STK32C: variants seen among roughly 807,000 people sequenced by gnomAD.
The protein encoded by STK32C is serine/threonine-protein kinase 32C.
Under a neutral mutation model 56.5 loss-of-function variants are expected in STK32C, and 31 were observed. The observed-to-expected ratio is 0.55, with a 90% CI of 0.41 to 0.74. The LOEUF (loss-of-function observed/expected upper bound fraction) is 0.74, where lower values mean the gene tolerates loss of function less well. Among genes scored for constraint, STK32C ranks in the 30% least tolerant of loss-of-function variants. The pLI is 0.00. For missense variants in STK32C, 544 were observed against 676.9 expected, an observed-to-expected ratio of 0.80 and a Z score of 2.18; for synonymous variants, 309 against 289.4, an observed-to-expected ratio of 1.07 and a Z score of -0.69.
rs2065041121 is a variant in STK32C, at chr10:132,278,061, G to A, written c.262+29511C>T. 2.0e-5 allele frequency among the ~76,000 whole-genome samples: 3 copies of A among 152,140 alleles called. No individual in the cohort carries two copies. In the South Asian group the frequency reaches 6.2e-4, roughly 32 times the overall value. ...GGGGTGGTCTTGAGGGGGCAGCTTAGGAATAGACTCCTTACCATGAAGACC... is the reference window on the plus strand; with the variant it reads ...GGGGTGGTCTTGAGGGGGCAGCTTAAGAATAGACTCCTTACCATGAAGACC... On this transcript the variant is annotated intron_variant, in intron 1 of 11. Coordinates refer to ENST00000298630, the MANE Select transcript of STK32C (RefSeq NM_173575.4).
In STK32C at chr10:132,294,239, G is replaced by A. The variant is rs374146741; in HGVS notation, c.262+13333C>T. Among the ~76,000 whole-genome samples, 7 of 152,242 alleles carry A rather than the reference G, an allele frequency of 4.6e-5. No individual in the cohort carries two copies. The East Asian group carries it at 7.8e-4, about 17-fold the overall frequency. On this transcript the variant is annotated intron_variant, in intron 1 of 11. Coordinates refer to ENST00000298630, the MANE Select transcript of STK32C (RefSeq NM_173575.4). ...TCAGAGTCAGAGACGAGGAGGATCC[G>A]CCAAGGAGGCCATGGAGCAGGCACG...
At chr10:132,319,590 G>A (rs1488286751), downstream of STK32C, among the ~76,000 whole-genome samples, 1 of 152,204 alleles carries the variant, frequency 6.6e-6, no homozygotes, top group African/African-American at 2.4e-5. Context: ...CATACTGTCT[G>A]ACTCCATTTA....
chr10:132,263,915 C>G (rs1002752008), intron 1 of STK32C, among the ~76,000 whole-genome samples: 3 of 150,810 alleles, frequency 2.0e-5, no homozygotes, highest in Non-Finnish European at 4.4e-5. Context: ...AAAAGCATGG[C>G]GCAGTGACAC....
In STK32C at chr10:132,225,242, C is replaced by T. The variant is rs758040109; in HGVS notation, c.867G>A (p.Leu289=). 1 of 1,609,984 alleles carries T rather than the reference C, an allele frequency of 6.2e-7. No homozygotes were observed. Among genetic ancestry groups the T allele is most frequent in the Non-Finnish European group, 8.5e-7 (1 of 1,178,252 alleles). Residue 289 remains leucine (L), a synonymous_variant, in exon 7 of 12, where the codon CTG becomes CTA. Transcript: ENST00000298630. ...WSVGVMAYEL[L]RGWRPYDIHS... ...TGCAGGGGGTCCATACCCATCCTCGCAGCAGCTCATAGGCCATCACCCCCA... is the reference window on the plus strand; with the variant it reads ...TGCAGGGGGTCCATACCCATCCTCGTAGCAGCTCATAGGCCATCACCCCCA...
intron 1 of STK32C, among the ~76,000 whole-genome samples, chr10:132,302,239 T>C (rs1024511422): frequency 6.6e-6 from 1 of 152,352 alleles, no homozygotes; most frequent in South Asian, 2.1e-4. Context: ...ATCCTCGCAT[T>C]ACTTCTCCAC....
chr10:132,210,351 G>A (rs1345291874), intron 10 of STK32C, among the ~76,000 whole-genome samples: 4 of 152,250 alleles, frequency 2.6e-5, no homozygotes. Flanking sequence ...CCGCCTCCCA[G>A]GTTCAAGTGA....
At chr10:132,233,758 G>A (rs1186855874) in intron 2 of STK32C, among the ~76,000 whole-genome samples, 1 of 152,238 alleles carries the variant, frequency 6.6e-6, no homozygotes, top group African/African-American at 2.4e-5. Context: ...CGGCTTCCCA[G>A]GGGACGGAGC....
chr10:132,237,516 G>T (rs1170258477), intron 2 of STK32C, among the ~76,000 whole-genome samples: 2 of 152,260 alleles, frequency 1.3e-5, no homozygotes, highest in African/African-American at 4.8e-5. Flanking sequence ...GCCCATTTAG[G>T]AGCACGTGGT....
At chr10:132,269,137 G>A (rs534699437) in intron 1 of STK32C, among the ~76,000 whole-genome samples, 2 of 151,864 alleles carry the variant, frequency 1.3e-5, no homozygotes, top group Admixed American at 6.5e-5. Context: ...GTACATGCAC[G>A]TGTCTGTTGG....
intron 2 of STK32C, among the ~76,000 whole-genome samples, chr10:132,244,413 G>A (rs1252183814): frequency 6.6e-6 from 1 of 152,222 alleles, no homozygotes; most frequent in Admixed American, 6.5e-5. Flanking sequence ...CTGCCCACCT[G>A]TGCTCATGAG....
upstream of STK32C, among the ~76,000 whole-genome samples, chr10:132,311,417 G>A (rs958257982): frequency 1.3e-5 from 2 of 152,234 alleles, no homozygotes; most frequent in African/African-American, 4.8e-5. The surrounding 1 kb of genome is among the most constrained non-coding windows in gnomAD (Gnocchi z 4.4). Context: ...ACAGATGGCC[G>A]TGGCGCCCTC....
At chr10:132,208,222 C>T in intron 11 of STK32C, 71 bp from the exon 12 acceptor site, 1 of 1,275,904 alleles carries the variant, frequency 7.8e-7, no homozygotes, top group Non-Finnish European at 1.0e-6. Flanking sequence ...ATGACCTGCC[C>T]ACGGGCTCAT....
At chr10:132,216,683 T>G (rs1044076799) in intron 10 of STK32C, among the ~76,000 whole-genome samples, 7 of 152,180 alleles carry the variant, frequency 4.6e-5, no homozygotes, top group African/African-American at 1.7e-4. Context: ...CTCTGCTGTG[T>G]GCAGTCTAGG....
upstream of STK32C, chr10:132,308,072 G>A: frequency 2.3e-6 from 1 of 434,622 alleles, no homozygotes; most frequent in Non-Finnish European, 3.0e-6. Flanking sequence ...GAGCGCCGGG[G>A]CGTGGCAGGT....
At chr10:132,284,980 ACGTCTGCC>A (rs2065353890) in intron 1 of STK32C, among the ~76,000 whole-genome samples, 1 of 136,502 alleles carries the variant, frequency 7.3e-6, no homozygotes, top group Admixed American at 7.1e-5. Flanking sequence ...ACACATTCCC[ACGTCTGCC>A]CAAAGACCAG....
chr10:132,310,823 G>A (rs572808291), upstream of STK32C, among the ~76,000 whole-genome samples: 6 of 152,350 alleles, frequency 3.9e-5, no homozygotes, highest in Admixed American at 3.3e-4. The surrounding 1 kb of genome is among the most constrained non-coding windows in gnomAD (Gnocchi z 4.6). Context: ...AGCTTGGGTA[G>A]TCCAGCATGA....
intron 1 of STK32C, among the ~76,000 whole-genome samples, chr10:132,331,061 C>G (rs1044338282): frequency 6.6e-6 from 1 of 151,034 alleles, no homozygotes; most frequent in Non-Finnish European, 1.5e-5. Context: ...ATTAGCTGGA[C>G]GTGGTGGCGC....
chr10:132,293,946 C>T (rs969269609), intron 1 of STK32C, among the ~76,000 whole-genome samples: 5 of 151,762 alleles, frequency 3.3e-5, no homozygotes, highest in African/African-American at 1.2e-4. Context: ...AGGGAAGGGG[C>T]CCCCGAGGGA....
chr10:132,220,619 C>T (rs925527144), intron 10 of STK32C, among the ~76,000 whole-genome samples: 20 of 152,230 alleles, frequency 1.3e-4, no homozygotes, highest in Non-Finnish European at 2.8e-4. Flanking sequence ...GCCCCATCAG[C>T]CCCCAAAAGT....
Sources: allele counts gnomAD v4.1 joint callset (sites outside exome capture counted in the v4.1 genomes callset), GRCh38; gene constraint gnomAD v4.1.1; non-coding constraint Gnocchi (gnomAD v3.1); transcripts MANE v1.5; gene names NCBI Gene and HGNC (gene_info 2026-07-23, HGNC 2026-07-21).